Variants in NUDT21 observed in about 807,000 individuals in gnomAD.
NUDT21 encodes cleavage and polyadenylation specificity factor subunit 5.
In NUDT21, 5 loss-of-function variants were observed where a neutral mutation model predicts 29.8. The observed-to-expected ratio is 0.17, with a 90% CI of 0.09 to 0.35. NUDT21 has a LOEUF of 0.35. NUDT21 is among the 10% of genes least tolerant of loss of function. The pLI is 1.00. For missense variants in NUDT21, 76 were observed against 276.0 expected, an observed-to-expected ratio of 0.28 and a Z score of 5.13; for synonymous variants, 113 against 98.5, an observed-to-expected ratio of 1.15 and a Z score of -0.87.
At chr16:56,449,602 A>G (rs1351013762) in intron 1 of NUDT21, among the ~76,000 whole-genome samples, 1 of 152,212 alleles carries the variant, frequency 6.6e-6, no homozygotes, top group African/African-American at 2.4e-5. Context: ...TCTTACTGAA[A>G]GCTAACTATT....
At chr16:56,439,827 G>T in intron 3 of NUDT21, 81 bp from the exon 4 acceptor site, 2 of 1,066,514 alleles carry the variant, frequency 1.9e-6, no homozygotes, top group Admixed American at 1.7e-5. Context: ...AAAATTCTTA[G>T]CAGTGCTCCT....
At position 56,447,950 on chromosome 16, in the gene NUDT21, G is replaced by A; in HGVS notation, c.156C>T (p.Pro52=). Residue 52 remains proline, a synonymous_variant, in exon 2 of 7, where the codon CCC becomes CCT. Transcript: ENST00000300291. ...CAACAGAGCTGTCCTTCTCGTAGAG[G>A]GGCTCTTTTGTACCAAAAGTATAAT... ...LTNYTFGTKE[P]LYEKDSSVAA... 6.2e-7 allele frequency: 1 copy of A among 1,614,022 alleles called. No individual in the cohort carries two copies. Among genetic ancestry groups the A allele is most frequent in the Non-Finnish European group, 8.5e-7 (1 of 1,179,956 alleles).
intron 3 of NUDT21, 59 bp from the exon 4 acceptor site, chr16:56,439,805 T>C (rs766323804): frequency 1.5e-6 from 2 of 1,331,032 alleles, no homozygotes; most frequent in Non-Finnish European, 2.2e-6. Context: ...AATCCCCTTC[T>C]TCAGTGAACA....
chr16:56,444,381 C>T (rs1428741769), intron 3 of NUDT21, among the ~76,000 whole-genome samples: 3 of 151,998 alleles, frequency 2.0e-5, no homozygotes, highest in Admixed American at 6.6e-5. Context: ...GTCAGGAGTT[C>T]GAGACCAACC....
At chr16:56,441,942 C>T (rs1368338857) in intron 3 of NUDT21, among the ~76,000 whole-genome samples, 4 of 152,080 alleles carry the variant, frequency 2.6e-5, no homozygotes, top group African/African-American at 4.8e-5. Flanking sequence ...CAGGCTGGAG[C>T]GCAATGGCGC....
chr16:56,434,888 G>A (rs1188815729), intron 4 of NUDT21, 59 bp from the exon 5 acceptor site: 1 of 1,021,722 alleles, frequency 9.8e-7, no homozygotes, highest in Non-Finnish European at 1.5e-6. Flanking sequence ...TTCTTTACAT[G>A]TTTACTCCCC....
chr16:56,433,072 A>G (rs546186588), intron 6 of NUDT21, among the ~76,000 whole-genome samples: 1 of 152,214 alleles, frequency 6.6e-6, no homozygotes, highest in Non-Finnish European at 1.5e-5. Context: ...GCACTTGACA[A>G]GTAGGTGTTT....
At chr16:56,444,600 C>CAAAAAA (rs1245484732) in intron 3 of NUDT21, among the ~76,000 whole-genome samples, 7 of 38,818 alleles carry the variant, frequency 1.8e-4, no homozygotes, top group Admixed American at 2.6e-4. Context: ...AACTCCGCCT[C>CAAAAAA]AAAAAAAAAA....
chr16:56,440,153 T>C (rs1962143697), intron 3 of NUDT21, among the ~76,000 whole-genome samples: 1 of 152,232 alleles, frequency 6.6e-6, no homozygotes, highest in African/African-American at 2.4e-5. Flanking sequence ...TGGTTGTTTT[T>C]CCCCTCATGT....
At chr16:56,441,966 T>A (rs1239765713) in intron 3 of NUDT21, among the ~76,000 whole-genome samples, 1 of 152,220 alleles carries the variant, frequency 6.6e-6, no homozygotes, top group Non-Finnish European at 1.5e-5. Context: ...CTCCACTCAC[T>A]GCAACCTCCA....
rs756716223 is a variant in NUDT21, at chr16:56,451,128, G to A, written c.75C>T (p.Ile25=). 1 of 1,613,818 alleles carries A rather than the reference G, an allele frequency of 6.2e-7. No individual in the cohort carries two copies. The highest frequency in any genetic ancestry group is 8.5e-7 in the Non-Finnish European group (1 of 1,179,852). Residue 25 remains isoleucine, a synonymous_variant, in exon 1 of 7, where the codon ATC becomes ATT. Coordinates refer to ENST00000300291, the MANE Select transcript of NUDT21 (RefSeq NM_007006.3). The stretch of plus-strand genomic sequence containing the variant: ...CCAGGGTGAGGGGCTTCGTCTGCTG[G>A]ATGTACTTGTTGCCGAACTGAGTGA... ...RGVTQFGNKY[I]QQTKPLTLER... is the part of the protein sequence containing the mutation.
rs1182670618 is a variant in NUDT21 at position 56,429,461 on chromosome 16, C to T, written c.*3251G>A. 1.3e-5 allele frequency: 2 copies of T among 152,134 alleles called. No individual in the cohort carries two copies. The highest frequency in any genetic ancestry group is 1.5e-5 in the Non-Finnish European group (1 of 68,028). The allele number at this position is 152,134 out of a possible 1,614,324, so 9.4% of individuals were successfully genotyped here. ...AGATACAAAATACACCTGAACTGGC[C>T]TAATCTAGAGTTACCTAGGTTTTAG... On this transcript the variant is annotated 3_prime_UTR_variant, in exon 7 of 7. Transcript: ENST00000300291.
At chr16:56,435,092 T>G (rs575313883) in intron 4 of NUDT21, 9 of 266,660 alleles carry the variant, frequency 3.4e-5, no homozygotes, top group Non-Finnish European at 5.6e-5. Flanking sequence ...TGAAGTCCGA[T>G]TTTAATTAGT....
At chr16:56,438,431 A>AAC (rs1460702430) in intron 4 of NUDT21, among the ~76,000 whole-genome samples, 2 of 152,146 alleles carry the variant, frequency 1.3e-5, no homozygotes, top group East Asian at 3.8e-4. Flanking sequence ...GAAGTTTGCT[A>AAC]ACACACACAC....
At chr16:56,447,708 G>T in intron 2 of NUDT21, 81 bp downstream of exon 2, 1 of 1,242,508 alleles carries the variant, frequency 8.0e-7, no homozygotes, top group Non-Finnish European at 1.2e-6. Flanking sequence ...GAATGACCGA[G>T]GGCTAAAATT....
At position 56,451,070 on chromosome 16, in the gene NUDT21, G is replaced by A. The variant is rs879175202; in HGVS notation, c.116+17C>T. 1.9e-6 allele frequency: 3 copies of A among 1,605,558 alleles called. No individual in the cohort carries two copies. Among genetic ancestry groups the A allele is most frequent in the Non-Finnish European group, 2.6e-6 (3 of 1,172,760 alleles). Reference sequence around the variant, plus strand: ...CTTTCACGAGAGAAATGCCCGCCAAGGCCGCGCCGCACTTACAGGTTGATG... The same window carrying A: ...CTTTCACGAGAGAAATGCCCGCCAAAGCCGCGCCGCACTTACAGGTTGATG... On this transcript the variant is annotated intron_variant, in intron 1 of 6. Coordinates refer to ENST00000300291, the MANE Select transcript of NUDT21 (RefSeq NM_007006.3).
intron 3 of NUDT21, among the ~76,000 whole-genome samples, chr16:56,442,291 T>C (rs1330817796): frequency 1.3e-5 from 2 of 152,248 alleles, no homozygotes; most frequent in African/African-American, 4.8e-5. Context: ...CACCCTCTAG[T>C]AGCTTCCTGA....
Position 56,434,351 on chromosome 16 carries a change from A to G in NUDT21, c.642T>C (p.Ser214=). ...NAPGYGPIIS[S]LPQLLSRFNF... ...TGTACCTGCTCAACAGCTGAGGGAG[A>G]CTAGAAATGATGGGTCCATATCCTG... is the stretch of plus-strand genomic sequence containing the variant. The change falls in exon 6 of 7, where the codon AGT becomes AGC. Residue 214 remains serine, a synonymous_variant. Transcript: ENST00000300291. 1 of 1,610,560 alleles carries G rather than the reference A, an allele frequency of 6.2e-7. No homozygotes were observed.
chr16:56,445,872 A>G (rs1241744876), intron 3 of NUDT21, among the ~76,000 whole-genome samples: 2 of 152,230 alleles, frequency 1.3e-5, no homozygotes, highest in Non-Finnish European at 2.9e-5. Context: ...TTTAAGAGTT[A>G]TAATACATTT....
Sources: allele counts gnomAD v4.1 joint callset (sites outside exome capture counted in the v4.1 genomes callset), GRCh38; gene constraint gnomAD v4.1.1; transcripts MANE v1.5; gene names NCBI Gene and HGNC (gene_info 2026-07-23, HGNC 2026-07-21).